The following C1GALT1 variants were observed in gnomAD, a reference collection of about 807,000 sequenced individuals.
C1GALT1 encodes core 1 synthase, glycoprotein-N-acetylgalactosamine 3-beta-galactosyltransferase 1.
Under a neutral mutation model 31.0 loss-of-function variants are expected in C1GALT1, and 11 were observed. That is an observed-to-expected ratio of 0.36 (90% confidence interval 0.22 to 0.59). The LOEUF (loss-of-function observed/expected upper bound fraction) is 0.59, where lower values mean the gene tolerates loss of function less well. C1GALT1 is among the 20% of genes least tolerant of loss of function. The pLI is 0.79. For missense variants in C1GALT1, 424 were observed against 425.2 expected (o/e 1.00, Z 0.03); for synonymous variants, 175 against 143.6 (o/e 1.22, Z -1.56).
At position 7,246,148 on chromosome 7, in the gene C1GALT1, A is replaced by T. The variant is rs1003818847; in HGVS notation, c.*2421A>T. 6 of 152,276 alleles carry T rather than the reference A, an allele frequency of 3.9e-5. No individual in the cohort carries two copies. The highest frequency in any genetic ancestry group is 1.4e-4 in the African/African-American group (6 of 41,542). 9.4% of individuals were successfully genotyped at this position (152,276 alleles called of 1,614,324 possible). ...GTATGCTAGGTACTGTGCTTAGATAATCTGTGTATAATAGTGTTAATCCTC... is the reference window on the plus strand; with the variant it reads ...GTATGCTAGGTACTGTGCTTAGATATTCTGTGTATAATAGTGTTAATCCTC... On this transcript the variant is annotated 3_prime_UTR_variant, in exon 4 of 4. Coordinates refer to ENST00000436587, the MANE Select transcript of C1GALT1 (RefSeq NM_020156.5).
chr7:7,173,890 G>C lies in C1GALT1; in HGVS notation c.-18+16464G>C, dbSNP rs1428168085. Among the ~76,000 whole-genome samples, 3 of 152,134 alleles carry C rather than the reference G, an allele frequency of 2.0e-5. No individual in the cohort carries two copies. The East Asian group carries it at 5.8e-4, about 29-fold the overall frequency. The stretch of plus-strand genomic sequence containing the variant: ...CCACTGCACTCCAACCTGGGTTCCA[G>C]AGCAAGACTCCATCTCAAATTTTTT... On this transcript the variant is annotated intron_variant, in intron 2 of 3. Coordinates refer to the C1GALT1 transcript ENST00000429911.
At chr7:7,198,832 A>G (rs1043494326) in intron 1 of C1GALT1, among the ~76,000 whole-genome samples, 2 of 152,114 alleles carry the variant, frequency 1.3e-5, no homozygotes, top group African/African-American at 2.4e-5. Flanking sequence ...CAAGGTGTTT[A>G]TAGTATTCTC....
At chr7:7,172,981 A>G (rs1323315091) in intron 2 of C1GALT1, among the ~76,000 whole-genome samples, 1 of 152,094 alleles carries the variant, frequency 6.6e-6, no homozygotes, top group African/African-American at 2.4e-5. Context: ...CCTTCCCCTC[A>G]TCTGATTGGA....
chr7:7,165,120 G>A (rs73674670), intron 2 of C1GALT1, among the ~76,000 whole-genome samples: 281 of 152,250 alleles, frequency 1.8e-3, no homozygotes, highest in African/African-American at 6.5e-3. Context: ...GCATTTTTAT[G>A]TGAACAGAAC....
intron 1 of C1GALT1, among the ~76,000 whole-genome samples, chr7:7,192,165 CTT>C (rs1159118341): frequency 6.6e-6 from 1 of 151,120 alleles, no homozygotes; most frequent in Non-Finnish European, 1.5e-5. Context: ...TTTCAATAGG[CTT>C]TTGGGGAACA....
At chr7:7,210,645 G>T (rs10253709) in intron 1 of C1GALT1, 2 of 151,976 alleles carry the variant, frequency 1.3e-5, no homozygotes, top group Admixed American at 6.5e-5. Flanking sequence ...TTGACTAGGC[G>T]CATCATTCAC....
chr7:7,212,653 A>G (rs1027513102), intron 1 of C1GALT1, among the ~76,000 whole-genome samples: 6 of 152,152 alleles, frequency 3.9e-5, no homozygotes, highest in African/African-American at 9.7e-5. Flanking sequence ...TGGGATTAGC[A>G]TTGGTTTTTA....
chr7:7,190,098 C>T (rs1253015711), intron 1 of C1GALT1, among the ~76,000 whole-genome samples: 1 of 152,158 alleles, frequency 6.6e-6, no homozygotes, highest in Non-Finnish European at 1.5e-5. Flanking sequence ...AATTAGCTTG[C>T]TGCAGTGAAG....
At chr7:7,235,041 C>G (rs776990654) in intron 2 of C1GALT1, 5 of 152,448 alleles carry the variant, frequency 3.3e-5, no homozygotes, top group Non-Finnish European at 7.3e-5. Flanking sequence ...TTCTCCTAGC[C>G]TCCTACCTCT....
intron 1 of C1GALT1, among the ~76,000 whole-genome samples, chr7:7,187,886 CTTTA>C (rs1780891891): frequency 6.6e-6 from 1 of 152,130 alleles, no homozygotes; most frequent in Non-Finnish European, 1.5e-5. Context: ...AGGTCATAGC[CTTTA>C]TTTATATATC....
chr7:7,161,449 A>G (rs1780332859), intron 2 of C1GALT1, among the ~76,000 whole-genome samples: 1 of 152,182 alleles, frequency 6.6e-6, no homozygotes, highest in Admixed American at 6.6e-5. Flanking sequence ...ATGTGGCAAT[A>G]AATGAAGTAC....
At chr7:7,234,246 T>G in intron 1 of C1GALT1, 57 bp from the exon 2 acceptor site, 1 of 1,286,320 alleles carries the variant, frequency 7.8e-7, no homozygotes, top group South Asian at 1.4e-5. Context: ...GAATTTTTAC[T>G]CCGGTTATGT....
At chr7:7,237,006 A>G (rs1783391162) in intron 2 of C1GALT1, among the ~76,000 whole-genome samples, 1 of 152,180 alleles carries the variant, frequency 6.6e-6, no homozygotes, top group South Asian at 2.1e-4. Context: ...ATTGCTACTG[A>G]AAGTCAGTTC....
At chr7:7,194,633 C>CTT (rs367948267) in intron 1 of C1GALT1, among the ~76,000 whole-genome samples, 5,133 of 151,104 alleles carry the variant, frequency 0.034, 193 homozygotes, top group African/African-American at 0.095. Flanking sequence ...CTGTAGTTTT[C>CTT]TTTTTTTTTG....
chr7:7,195,990 C>T (rs991306454), intron 1 of C1GALT1, among the ~76,000 whole-genome samples: 2 of 152,286 alleles, frequency 1.3e-5, no homozygotes, highest in Admixed American at 6.5e-5. Context: ...ATAGCTACTT[C>T]TGCTAGCTTT....
intron 2 of C1GALT1, among the ~76,000 whole-genome samples, chr7:7,167,613 C>T (rs751193149): frequency 5.3e-5 from 8 of 151,152 alleles, no homozygotes; most frequent in Non-Finnish European, 8.8e-5. Context: ...AAGTGATAAT[C>T]ATTGAGAGGG....
chr7:7,200,668 C>T (rs946086786), intron 1 of C1GALT1, among the ~76,000 whole-genome samples: 6 of 152,180 alleles, frequency 3.9e-5, no homozygotes, highest in Non-Finnish European at 8.8e-5. Flanking sequence ...CACATGGTCC[C>T]ATATTTCTTG....
upstream of C1GALT1, chr7:7,182,469 C>G (rs1268828641): frequency 6.6e-6 from 1 of 152,262 alleles, no homozygotes; most frequent in African/African-American, 2.4e-5. Flanking sequence ...TTCCTCACGT[C>G]GCCGTATCCC....
chr7:7,214,776 T>C (rs531840302), intron 1 of C1GALT1, among the ~76,000 whole-genome samples: 27 of 152,314 alleles, frequency 1.8e-4, no homozygotes, highest in Admixed American at 1.6e-3. Context: ...AAGCCGGGTT[T>C]ACATTCTCCA....
Sources: allele counts gnomAD v4.1 joint callset (sites outside exome capture counted in the v4.1 genomes callset), GRCh38; gene constraint gnomAD v4.1.1; transcripts MANE v1.5; gene names NCBI Gene and HGNC (gene_info 2026-07-23, HGNC 2026-07-21).